HHAT: variants seen among roughly 807,000 people sequenced by gnomAD.
The protein encoded by HHAT is hedgehog acyltransferase, also known as protein-cysteine N-palmitoyltransferase HHAT.
In HHAT, 47 loss-of-function variants were observed where a neutral mutation model predicts 70.8. The observed-to-expected ratio is 0.66, with a 90% CI of 0.53 to 0.85. The LOEUF (loss-of-function observed/expected upper bound fraction) is 0.85. HHAT is among the 40% of genes least tolerant of loss of function. HHAT has a pLI of 0.00. For missense variants in HHAT, 609 were observed against 604.8 expected (o/e 1.01, Z -0.07); for synonymous variants, 228 against 247.6 (o/e 0.92, Z 0.74).
At chr1:210,395,457 A>G (rs532362216) in intron 4 of HHAT, among the ~76,000 whole-genome samples, 2 of 152,196 alleles carry the variant, frequency 1.3e-5, no homozygotes, top group East Asian at 3.8e-4. Flanking sequence ...GAGCTCTGCC[A>G]GCTCAACTGG....
At chr1:210,524,201 G>A (rs958284366) in intron 9 of HHAT, among the ~76,000 whole-genome samples, 13 of 152,198 alleles carry the variant, frequency 8.5e-5, no homozygotes, top group Admixed American at 3.9e-4. Context: ...ACTGTATGGT[G>A]TACTTAAAAA....
rs1250438716 is a variant in HHAT, at chr1:210,417,694, TTC to T, written c.685-456_685-455del. ...TTTCCCTTGCTCTCAGCCCATCTTT[TTC>T]TCTTTCTCTTCTACCAGTCCTGTGT... is the stretch of plus-strand genomic sequence containing the variant. On this transcript the variant is annotated intron_variant, in intron 6 of 11. Transcript: ENST00000261458. Among the ~76,000 whole-genome samples the T allele has an allele frequency of 2.0e-5, 3 of 152,326 alleles. No individual in the cohort carries two copies. The East Asian group carries it at 5.8e-4, about 29-fold the overall frequency.
At chr1:210,581,498 T>G (rs1473360130) in intron 9 of HHAT, among the ~76,000 whole-genome samples, 2 of 152,168 alleles carry the variant, frequency 1.3e-5, no homozygotes, top group African/African-American at 4.8e-5. Context: ...GGAGCCAAGG[T>G]GAGGTCACCT....
intron 7 of HHAT, among the ~76,000 whole-genome samples, chr1:210,457,120 A>C (rs2093885751): frequency 6.6e-6 from 1 of 152,112 alleles, no homozygotes; most frequent in South Asian, 2.1e-4. Context: ...GATGACTCTG[A>C]GCACTGGTGG....
intron 9 of HHAT, among the ~76,000 whole-genome samples, chr1:210,519,826 C>CTTTTTTTTTTT (rs561537666): frequency 4.7e-5 from 6 of 127,256 alleles, no homozygotes; most frequent in Admixed American, 8.0e-5. Flanking sequence ...CCACACTTGG[C>CTTTTTTTTTTT]TTTTTTTTTT....
chr1:210,437,168 A>G (rs924492560), intron 7 of HHAT, among the ~76,000 whole-genome samples: 1 of 151,864 alleles, frequency 6.6e-6, no homozygotes, highest in Non-Finnish European at 1.5e-5. Flanking sequence ...TCAACATCAC[A>G]TGATGATGTA....
chr1:210,394,519 G>A (rs2091667410), intron 4 of HHAT, among the ~76,000 whole-genome samples: 1 of 152,088 alleles, frequency 6.6e-6, no homozygotes, highest in African/African-American at 2.4e-5. Context: ...TGTGTTCTCT[G>A]CCCTCAGAAC....
rs1168510729 is a variant in HHAT, at chr1:210,610,863, A to G, written c.1246-12663A>G. Reference sequence around the variant, plus strand: ...ATTTCTGGGTTCTCTATTCTGTTCTATCAGTCTATGTGTCTGTTCTTGTAC... The same window carrying G: ...ATTTCTGGGTTCTCTATTCTGTTCTGTCAGTCTATGTGTCTGTTCTTGTAC... On this transcript the variant is annotated intron_variant, in intron 10 of 11. Transcript: ENST00000261458. Among the ~76,000 whole-genome samples, 11 of 152,100 alleles carry G rather than the reference A, an allele frequency of 7.2e-5. No individual in the cohort carries two copies. In the East Asian group the frequency reaches 1.7e-3, roughly 24 times the overall value.
intron 9 of HHAT, among the ~76,000 whole-genome samples, chr1:210,533,927 C>A (rs528002411): frequency 6.6e-6 from 1 of 152,164 alleles, no homozygotes; most frequent in East Asian, 1.9e-4. Flanking sequence ...TGGCACCTGG[C>A]GGCTTGGTGA....
At chr1:210,567,321 A>G (rs989237144) in intron 9 of HHAT, among the ~76,000 whole-genome samples, 1 of 152,198 alleles carries the variant, frequency 6.6e-6, no homozygotes, top group African/African-American at 2.4e-5. Context: ...TCTTTGATGC[A>G]ACATGGGACA....
At chr1:210,511,184 T>C (rs9943201) in intron 8 of HHAT, among the ~76,000 whole-genome samples, 67,084 of 152,054 alleles carry the variant, frequency 0.44, 14,895 homozygotes, top group East Asian at 0.57. Flanking sequence ...TCCAGGTCAA[T>C]GTAAAATCAA....
At chr1:210,658,541 T>C (rs1371779940) in intron 11 of HHAT, among the ~76,000 whole-genome samples, 1 of 152,214 alleles carries the variant, frequency 6.6e-6, no homozygotes, top group Non-Finnish European at 1.5e-5. Flanking sequence ...TTCTGTCTCA[T>C]TGATCTGTCT....
intron 11 of HHAT, among the ~76,000 whole-genome samples, chr1:210,637,320 A>G (rs985331527): frequency 6.6e-6 from 1 of 152,310 alleles, no homozygotes; most frequent in Admixed American, 6.5e-5. Context: ...AAACTCTTAA[A>G]AGAAGATAAA....
At chr1:210,523,092 A>G (rs777107914) in intron 9 of HHAT, among the ~76,000 whole-genome samples, 1 of 151,804 alleles carries the variant, frequency 6.6e-6, no homozygotes. Flanking sequence ...GACTTTGCTT[A>G]TGGCCATCCA....
intron 1 of HHAT, among the ~76,000 whole-genome samples, chr1:210,338,543 A>G (rs771831010): frequency 6.6e-6 from 1 of 152,238 alleles, no homozygotes; most frequent in Non-Finnish European, 1.5e-5. Context: ...AGCATTTCAG[A>G]GTTTACTATG....
intron 9 of HHAT, among the ~76,000 whole-genome samples, chr1:210,532,470 T>G (rs2095325078): frequency 6.6e-6 from 1 of 152,218 alleles, no homozygotes; most frequent in South Asian, 2.1e-4. Context: ...ACTTCCCATT[T>G]CTGGACATCA....
At position 210,397,766 on chromosome 1, in the gene HHAT, C is replaced by T. The variant is rs538396174; in HGVS notation, c.274-2702C>T. On this transcript the variant is annotated intron_variant, in intron 4 of 11. Transcript: ENST00000261458. The stretch of plus-strand genomic sequence containing the variant: ...TGCTTAGAAAAAGCTCTTCTGCTGC[C>T]CAAAGAAGCAGGCCGTCCATGCTGC... Among the ~76,000 whole-genome samples, 7 of 152,234 alleles carry T rather than the reference C, an allele frequency of 4.6e-5. No homozygotes were observed. The South Asian group carries it at 8.3e-4, about 18-fold the overall frequency.
At chr1:210,359,299 C>T (rs867392219) in intron 2 of HHAT, among the ~76,000 whole-genome samples, 9 of 152,162 alleles carry the variant, frequency 5.9e-5, no homozygotes, top group Admixed American at 1.3e-4. Flanking sequence ...AATATAACTG[C>T]CTTTGTAGGA....
intron 9 of HHAT, among the ~76,000 whole-genome samples, chr1:210,514,751 A>G (rs1163724244): frequency 6.6e-6 from 1 of 152,226 alleles, no homozygotes; most frequent in African/African-American, 2.4e-5. Context: ...ACAGTCATTT[A>G]TTCAGCAAAT....
Sources: gnomAD v4.1 joint callset for allele counts (sites outside exome capture counted in the v4.1 genomes callset) on GRCh38, gnomAD v4.1.1 for gene constraint, MANE v1.5 for transcripts, NCBI Gene and HGNC (gene_info 2026-07-23, HGNC 2026-07-21) for gene names.